The following PTPRD variants were observed in gnomAD, a reference collection of about 807,000 sequenced individuals.
PTPRD encodes receptor-type tyrosine-protein phosphatase delta.
A neutral mutation model predicts 214.5 loss-of-function variants in PTPRD; 34 were observed. The observed-to-expected ratio is 0.16, with a 90% CI of 0.12 to 0.21. The LOEUF is 0.21. Among genes scored for constraint, PTPRD ranks in the 10% least tolerant of loss-of-function variants. PTPRD has a pLI of 1.00. For missense variants in PTPRD, 2,545 were observed against 2,398.7 expected (o/e 1.06, Z -1.27); for synonymous variants, 1,128 against 845.7 (o/e 1.33, Z -5.79).
intron 10 of PTPRD, among the ~76,000 whole-genome samples, chr9:9,168,882 A>G (rs561997639): frequency 6.6e-6 from 1 of 151,822 alleles, no homozygotes; most frequent in African/African-American, 2.4e-5. Flanking sequence ...TTTTTAAAAA[A>G]TATTTATTTA....
chr9:9,691,350 A>G (rs1381337397), intron 7 of PTPRD, among the ~76,000 whole-genome samples: 1 of 151,814 alleles, frequency 6.6e-6, no homozygotes, highest in Non-Finnish European at 1.5e-5. Flanking sequence ...CAATTGTTTT[A>G]TTTTTTAAAC....
intron 5 of PTPRD, among the ~76,000 whole-genome samples, chr9:9,771,617 T>C (rs2098752446): frequency 6.6e-6 from 1 of 152,216 alleles, no homozygotes; most frequent in South Asian, 2.1e-4. Context: ...CTTACTTTTT[T>C]CAACCTATCT....
intron 44 of PTPRD, among the ~76,000 whole-genome samples, chr9:8,330,782 C>T (rs78176453): frequency 0.011 from 1,666 of 152,066 alleles, 31 homozygotes; most frequent in African/African-American, 0.037. Flanking sequence ...CCTTCTATGT[C>T]GTAAAGAACT....
At chr9:9,328,544 A>T (rs1316581457) in intron 9 of PTPRD, among the ~76,000 whole-genome samples, 2 of 150,976 alleles carry the variant, frequency 1.3e-5, no homozygotes, top group Non-Finnish European at 2.9e-5. Flanking sequence ...TTTATATTGA[A>T]ATCTCACAGA....
chr9:9,748,460 AG>A (rs2098480770), intron 6 of PTPRD, among the ~76,000 whole-genome samples: 1 of 152,254 alleles, frequency 6.6e-6, no homozygotes, highest in Non-Finnish European at 1.5e-5. Flanking sequence ...AGACGAAAAA[AG>A]ATCTGTCAAT....
At chr9:10,189,279 G>A (rs1329916122) in intron 3 of PTPRD, among the ~76,000 whole-genome samples, 1 of 152,148 alleles carries the variant, frequency 6.6e-6, no homozygotes, top group African/African-American at 2.4e-5. Flanking sequence ...TCCAGCTGCT[G>A]GCTGCAGGAG....
At chr9:9,981,648 C>T (rs1455887793) in intron 4 of PTPRD, among the ~76,000 whole-genome samples, 3 of 152,118 alleles carry the variant, frequency 2.0e-5, no homozygotes, top group Non-Finnish European at 4.4e-5. Context: ...GCGTGAGCCA[C>T]TGCGTCTGGC....
At chr9:8,429,299 C>A (rs143381413) in intron 35 of PTPRD, among the ~76,000 whole-genome samples, 40 of 152,182 alleles carry the variant, frequency 2.6e-4, no homozygotes, top group African/African-American at 8.7e-4. Context: ...GGTTTTACCA[C>A]ACATAGTAGG....
intron 8 of PTPRD, among the ~76,000 whole-genome samples, chr9:9,425,087 T>C (rs4742598): frequency 0.81 from 122,496 of 152,022 alleles, 49,483 homozygotes; most frequent in Non-Finnish European, 0.81. Context: ...CTACCAAACA[T>C]AGAACTTGGG....
At chr9:8,462,881 T>A (rs900078997) in intron 32 of PTPRD, among the ~76,000 whole-genome samples, 5 of 152,046 alleles carry the variant, frequency 3.3e-5, no homozygotes, top group Admixed American at 3.3e-4. Context: ...AACTACAGAC[T>A]CCTAGAAGGT....
At chr9:9,034,288 T>C (rs1447459894) in intron 10 of PTPRD, among the ~76,000 whole-genome samples, 2 of 152,110 alleles carry the variant, frequency 1.3e-5, no homozygotes, top group African/African-American at 2.4e-5. Context: ...GGTTGGGATT[T>C]TCCAATTTCA....
In PTPRD at chr9:10,030,776, G is replaced by T. The variant is rs146196726; in HGVS notation, c.-472+2942C>A. Among the ~76,000 whole-genome samples the T allele has an allele frequency of 5.8e-4, 88 of 152,248 alleles. 2 individuals are homozygous for T. In the East Asian group the frequency reaches 0.015, roughly 26 times the overall value. On this transcript the variant is annotated intron_variant, in intron 4 of 45. Transcript: ENST00000381196. ...CACTGCCCATGGATTATTTAGTGAA[G>T]ATACAAACCAGGTAATTTGTCATAC...
intron 12 of PTPRD, among the ~76,000 whole-genome samples, chr9:8,650,918 T>C (rs554511856): frequency 9.2e-5 from 14 of 152,154 alleles, no homozygotes; most frequent in South Asian, 4.2e-4. Context: ...CCCAAAGCTC[T>C]AAGCTGAAAA....
intron 4 of PTPRD, among the ~76,000 whole-genome samples, chr9:9,958,459 A>G (rs905657391): frequency 1.3e-5 from 2 of 152,226 alleles, no homozygotes; most frequent in African/African-American, 4.8e-5. Context: ...TGAACCCAGG[A>G]GGCAGAGGTT....
At chr9:8,589,404 C>G (rs546818578) in intron 14 of PTPRD, among the ~76,000 whole-genome samples, 1 of 152,180 alleles carries the variant, frequency 6.6e-6, no homozygotes, top group Non-Finnish European at 1.5e-5. Context: ...AACAATTAAG[C>G]ATAATCACAG....
intron 8 of PTPRD, among the ~76,000 whole-genome samples, chr9:9,566,030 C>T (rs1591731923): frequency 6.6e-6 from 1 of 151,908 alleles, no homozygotes; most frequent in East Asian, 1.9e-4. Flanking sequence ...TGGCTGCCTC[C>T]TCATTTGTGA....
In PTPRD at chr9:8,340,539, A is replaced by C. The variant is rs1224862401; in HGVS notation, c.5127-70T>G. ...ACATGCAAAAGCTCACACTGGATACATAAACATCAACCTGCTAATAAAAAA... is the reference window on the plus strand; with the variant it reads ...ACATGCAAAAGCTCACACTGGATACCTAAACATCAACCTGCTAATAAAAAA... On this transcript the variant is annotated intron_variant, in intron 41 of 45. Coordinates refer to ENST00000381196, the MANE Select transcript of PTPRD (RefSeq NM_002839.4). 5.0e-6 allele frequency: 7 copies of C among 1,411,248 alleles called. No individual in the cohort carries two copies. In the Admixed American group the frequency reaches 1.5e-4, roughly 30 times the overall value. The allele number at this position is 1,411,248 out of a possible 1,614,324, so 87.4% of individuals were successfully genotyped here.
chr9:10,447,332 C>G (rs114445018), intron 2 of PTPRD, among the ~76,000 whole-genome samples: 1,527 of 152,074 alleles, frequency 0.01, 36 homozygotes, highest in African/African-American at 0.029. Flanking sequence ...TTAACCACGT[C>G]CTCTGTCATG....
intron 22 of PTPRD, among the ~76,000 whole-genome samples, chr9:8,504,739 G>T (rs1333204809): frequency 1.3e-5 from 2 of 152,142 alleles, no homozygotes; most frequent in Non-Finnish European, 2.9e-5. Context: ...GTATGTTGCT[G>T]TGACACAGAT....
Sources: gnomAD v4.1 joint callset for allele counts (sites outside exome capture counted in the v4.1 genomes callset) on GRCh38, gnomAD v4.1.1 for gene constraint, MANE v1.5 for transcripts, NCBI Gene and HGNC (gene_info 2026-07-23, HGNC 2026-07-21) for gene names.